SYN1: variants seen among roughly 807,000 people sequenced by gnomAD.
SYN1 encodes the protein synapsin I.
A neutral mutation model predicts 44.6 loss-of-function variants in SYN1; 8 were observed. The observed-to-expected ratio is 0.18, with a 90% CI of 0.11 to 0.32. The LOEUF (loss-of-function observed/expected upper bound fraction) is 0.32. Among genes scored for constraint, SYN1 ranks in the 10% least tolerant of loss-of-function variants. The probability of loss-of-function intolerance (pLI) is 1.00; values close to 1 mark genes in which losing one functional copy is unlikely to be tolerated. For missense variants in SYN1, 451 were observed against 639.4 expected, an observed-to-expected ratio of 0.71 and a Z score of 3.18; for synonymous variants, 275 against 280.1, an observed-to-expected ratio of 0.98 and a Z score of 0.18.
Position 47,619,844 on chromosome X carries a change from G to C in SYN1, c.-116C>G. 9 of 817,556 alleles carry C rather than the reference G, an allele frequency of 1.1e-5. No individual in the cohort carries two copies. Among genetic ancestry groups the C allele is most frequent in the Non-Finnish European group, 1.5e-5 (9 of 593,681 alleles). 67.4% of individuals were successfully genotyped at this position (817,556 alleles called of 1,213,427 possible). A position where few individuals can be genotyped will look rare whatever the true frequency, so the allele number is the denominator to read the frequency against. ...TCAGGCACGACACGACTCCTCCGCT[G>C]CCCACCGCAGACTGAGGCAGCGCTG... On this transcript the variant is annotated 5_prime_UTR_variant, in exon 1 of 13. Coordinates refer to ENST00000295987, the MANE Select transcript of SYN1 (RefSeq NM_006950.3).
intron 5 of SYN1, among the ~76,000 whole-genome samples, chrX:47,591,420 G>T (rs1368901586): frequency 8.9e-6 from 1 of 111,769 alleles, no homozygotes; most frequent in African/African-American, 3.3e-5. Context: ...GCAGGACAGA[G>T]ATATGAAATG....
intron 3 of SYN1, among the ~76,000 whole-genome samples, chrX:47,606,730 A>AATATAT (rs1176440504): frequency 2.6e-4 from 26 of 99,348 alleles, no homozygotes; most frequent in African/African-American, 3.5e-4. Flanking sequence ...CCCTGTCTGA[A>AATATAT]ATATATATAT....
intron 5 of SYN1, among the ~76,000 whole-genome samples, chrX:47,598,653 C>T (rs1337118430): frequency 9.0e-6 from 1 of 111,212 alleles, no homozygotes; most frequent in East Asian, 2.8e-4. Context: ...TGGTGAAACC[C>T]CGCCTCAATT....
In SYN1 at chrX:47,605,253, A is replaced by T; in HGVS notation, c.654T>A (p.Ser218=). The part of the protein sequence containing the change: ...AGIPSVNSLH[S]VYNFCDKPWV... ...AGGGCTTGTCACAGAAGTTGTAGAC[A>T]GAATGCAAGGAGTTAACACTGGGGA... The change falls in exon 4 of 13, where the codon TCT becomes TCA. Residue 218 remains serine (S), a synonymous_variant. Coordinates refer to ENST00000295987, the MANE Select transcript of SYN1 (RefSeq NM_006950.3). 8.3e-7 allele frequency: 1 copy of T among 1,209,307 alleles called. No homozygotes were observed. Among genetic ancestry groups the T allele is most frequent in the East Asian group, 3.0e-5 (1 of 33,770 alleles).
intron 1 of SYN1, 75 bp from the exon 2 acceptor site, chrX:47,607,273 T>C: frequency 9.9e-7 from 1 of 1,006,918 alleles, no homozygotes; most frequent in Non-Finnish European, 1.4e-6. Flanking sequence ...CCTTGACCCT[T>C]TTGCCCCTTC....
intron 5 of SYN1, among the ~76,000 whole-genome samples, chrX:47,594,532 C>CA (rs112489335): frequency 0.088 from 5,285 of 59,761 alleles, 537 homozygotes; most frequent in African/African-American, 0.28. Context: ...GACTCTGTCT[C>CA]AAAAAAAAAA....
chrX:47,603,890 T>TTATATATA (rs1234580585), intron 5 of SYN1, among the ~76,000 whole-genome samples: 2 of 88,209 alleles, frequency 2.3e-5, no homozygotes, highest in Non-Finnish European at 4.4e-5. Context: ...ATATTAGTGA[T>TTATATATA]TATATATATA....
At position 47,574,302 on chromosome X, in the gene SYN1, G is replaced by C. The variant is rs2147912162; in HGVS notation, c.1682C>G (p.Pro561Arg). ...GACGGATGTCTGACGGGTAGCCTGTGGGGGGCCCGCCTGGCGCTGGGGAGA... is the reference window on the plus strand; with the variant it reads ...GACGGATGTCTGACGGGTAGCCTGTCGGGGGCCCGCCTGGCGCTGGGGAGA... ...SPSPQRQAGP[P>R]QATRQTSVSG... Residue 561 changes from proline (P) to arginine (R), a missense_variant, in exon 12 of 13, where the codon CCA becomes CGA. By Grantham distance (103) the Pro-to-Arg change is moderately radical. This residue lies in a region of SYN1 where 127 missense variants were observed against 154.8 expected (regional missense o/e 0.82). Coordinates refer to ENST00000295987, the MANE Select transcript of SYN1 (RefSeq NM_006950.3). 1.8e-6 allele frequency: 2 copies of C among 1,095,773 alleles called. No homozygotes were observed. The highest frequency in any genetic ancestry group is 2.4e-6 in the Non-Finnish European group (2 of 844,626). The allele number at this position is 1,095,773 out of a possible 1,213,427, so 90.3% of individuals were successfully genotyped here. A position where few individuals can be genotyped will look rare whatever the true frequency, so the allele number is the denominator to read the frequency against.
intron 8 of SYN1, 42 bp downstream of exon 8, chrX:47,576,290 C>A: frequency 4.1e-6 from 5 of 1,207,299 alleles, no homozygotes; most frequent in Non-Finnish European, 5.6e-6. Flanking sequence ...TGTCGTGCTC[C>A]CACCCCCGCT....
Position 47,574,514 on chromosome X carries a change from C to A in SYN1, c.1470G>T (p.Gln490His), listed in dbSNP as rs1188907504. ...PLQQRPPPQG[Q>H]QHLSGLGPPA... is the part of the protein sequence containing the mutation. ...GGGGTCCAAGGCCTGAAAGGTGCTG[C>A]TGGCCCTGCGGGGGCGGGCGCTGCT... The change falls in exon 12 of 13, where the codon CAG becomes CAT. Residue 490 changes from glutamine to histidine, a missense_variant. Physicochemically the swap from Gln to His is conservative, Grantham distance 24. This residue lies in a region of SYN1 where 315 missense variants were observed against 451.4 expected (regional missense o/e 0.70). Coordinates refer to ENST00000295987, the MANE Select transcript of SYN1 (RefSeq NM_006950.3). 2 of 1,082,537 alleles carry A rather than the reference C, an allele frequency of 1.8e-6. No homozygotes were observed. Among genetic ancestry groups the A allele is most frequent in the South Asian group, 2.3e-5 (1 of 42,822 alleles). 89.2% of individuals were successfully genotyped at this position (1,082,537 alleles called of 1,213,427 possible).
At position 47,618,953 on chromosome X, in the gene SYN1, T is replaced by C. The variant is rs183686477; in HGVS notation, c.377+399A>G. ...AATCAAAGGCCTTGGGGAAGGGCTCTTGGATGAGGCATACTGCAGGTACTA... is the reference window on the plus strand; with the variant it reads ...AATCAAAGGCCTTGGGGAAGGGCTCCTGGATGAGGCATACTGCAGGTACTA... On this transcript the variant is annotated intron_variant, in intron 1 of 12. Coordinates refer to ENST00000295987, the MANE Select transcript of SYN1 (RefSeq NM_006950.3). 1.6e-3 allele frequency among the ~76,000 whole-genome samples: 177 copies of C among 111,032 alleles called. 1 individual carries two copies. Among genetic ancestry groups the C allele is most frequent in the Non-Finnish European group, 2.6e-3 (135 of 52,908 alleles).
At chrX:47,611,663 T>G (rs1310564588) in intron 1 of SYN1, among the ~76,000 whole-genome samples, 1 of 111,687 alleles carries the variant, frequency 9.0e-6, no homozygotes, top group African/African-American at 3.3e-5. Context: ...TCCCATGGAA[T>G]AGCACACTGG....
intron 5 of SYN1, among the ~76,000 whole-genome samples, chrX:47,578,542 C>T (rs1244821377): frequency 8.9e-6 from 1 of 111,856 alleles, no homozygotes; most frequent in East Asian, 2.8e-4. Context: ...CAGAGACACC[C>T]ACAACTCAGT....
chrX:47,585,268 A>T, intron 5 of SYN1: 1 of 1,210,718 alleles, frequency 8.3e-7, no homozygotes, highest in East Asian at 3.0e-5. Context: ...CACCCCCGCC[A>T]TGGAGAGTGT....
chrX:47,599,282 G>A (rs999606282), intron 5 of SYN1, among the ~76,000 whole-genome samples: 1 of 111,570 alleles, frequency 9.0e-6, no homozygotes, highest in African/African-American at 3.3e-5. Flanking sequence ...AAAAAAAAAC[G>A]TGCAGCTTGC....
At chrX:47,582,484 G>A (rs950567281) in intron 5 of SYN1, 6 of 292,122 alleles carry the variant, frequency 2.1e-5, no homozygotes, top group Non-Finnish European at 3.5e-5. Context: ...GGTAAGCAGG[G>A]CCCGGGGTGG....
At chrX:47,586,205 G>A in intron 5 of SYN1, 1 of 753,252 alleles carries the variant, frequency 1.3e-6, no homozygotes, top group Non-Finnish European at 1.6e-6. Context: ...CTCCTTAGCC[G>A]CCAACCGGGT....
intron 5 of SYN1, chrX:47,583,629 C>A: frequency 1.0e-6 from 1 of 990,973 alleles, no homozygotes; most frequent in Non-Finnish European, 1.3e-6. Context: ...TAGAATGATT[C>A]CACTCGCCCC....
chrX:47,606,996 C>T lies in SYN1; in HGVS notation c.476G>A (p.Gly159Asp), dbSNP rs1322014989. The T allele has an allele frequency of 8.3e-7, 1 of 1,211,332 alleles. No individual in the cohort carries two copies. The highest frequency in any genetic ancestry group is 1.1e-6 in the Non-Finnish European group (1 of 895,425). Residue 159 changes from glycine (G) to aspartate (D), a missense_variant, in exon 3 of 13, where the codon GGT (glycine) becomes GAT (aspartate). Around this residue, in one of 3 missense-constraint regions of SYN1, gnomAD observed 315 missense variants for 451.4 expected, o/e 0.70. Coordinates refer to ENST00000295987, the MANE Select transcript of SYN1 (RefSeq NM_006950.3). ...SDLNLVAHAN[G>D]GFSVDMEVLR... ...AACTTCCATATCCACAGAGAATCCA[C>T]CATTGGCATGGGCCACAAGGTTGAG...
Sources: gnomAD v4.1 joint callset for allele counts (sites outside exome capture counted in the v4.1 genomes callset) on GRCh38, gnomAD v4.1.1 for gene constraint, gnomAD v4.1.1 regional missense constraint, MANE v1.5 for transcripts, NCBI Gene and HGNC (gene_info 2026-07-23, HGNC 2026-07-21) for gene names.